TOGARAM1: variants seen among roughly 807,000 people sequenced by gnomAD.
TOGARAM1 encodes the protein TOG array regulator of axonemal microtubules protein 1.
In TOGARAM1, 100 loss-of-function variants were observed where a neutral mutation model predicts 166.6. That is an observed-to-expected ratio of 0.60 (90% confidence interval 0.51 to 0.71). The LOEUF is 0.71. Ranked by LOEUF, TOGARAM1 falls within the 30% of genes least tolerant of loss-of-function variation. TOGARAM1 has a pLI of 0.00. For missense variants in TOGARAM1, 2,029 were observed against 2,102.7 expected (o/e 0.96, Z 0.69); for synonymous variants, 758 against 763.8 (o/e 0.99, Z 0.13).
At chr14:44,967,262 C>T (rs941215568) in intron 1 of TOGARAM1, among the ~76,000 whole-genome samples, 17 of 152,232 alleles carry the variant, frequency 1.1e-4, no homozygotes, top group African/African-American at 4.1e-4. Context: ...TTCTCATCTT[C>T]CTTTATTCCA....
At chr14:45,002,242 G>A (rs1440295338) in intron 3 of TOGARAM1, among the ~76,000 whole-genome samples, 1 of 152,040 alleles carries the variant, frequency 6.6e-6, no homozygotes, top group African/African-American at 2.4e-5. Context: ...TTTGACTCCT[G>A]AGTATCTTTG....
intron 1 of TOGARAM1, among the ~76,000 whole-genome samples, chr14:44,975,320 G>A (rs1030739365): frequency 1.3e-5 from 2 of 152,106 alleles, no homozygotes; most frequent in Non-Finnish European, 1.5e-5. Flanking sequence ...TTCTGTTAGA[G>A]GGAATAGCTA....
At chr14:44,992,610 TC>T (rs1887201916) in intron 1 of TOGARAM1, among the ~76,000 whole-genome samples, 5 of 141,910 alleles carry the variant, frequency 3.5e-5, no homozygotes, top group Non-Finnish European at 7.6e-5. Flanking sequence ...ATTTTTGTAA[TC>T]TTTTTTTTTT....
intron 1 of TOGARAM1, among the ~76,000 whole-genome samples, chr14:44,981,812 A>T (rs1446070435): frequency 6.6e-6 from 1 of 150,780 alleles, no homozygotes. Context: ...TCTTCTATCC[A>T]TCAGTGAAAG....
intron 1 of TOGARAM1, among the ~76,000 whole-genome samples, chr14:44,980,133 A>G (rs117727385): frequency 0.01 from 1,556 of 152,278 alleles, 13 homozygotes; most frequent in Middle Eastern, 0.027. Context: ...TGTGTCCTCC[A>G]TACTCAGTTA....
chr14:44,975,408 TTCCATATTTTC>T (rs1886122890), intron 1 of TOGARAM1, among the ~76,000 whole-genome samples: 1 of 152,100 alleles, frequency 6.6e-6, no homozygotes, highest in African/African-American at 2.4e-5. Context: ...AGGACTTAGG[TTCCATATTTTC>T]TCCATATTCC....
At chr14:45,001,173 A>G (rs140527861) in intron 3 of TOGARAM1, among the ~76,000 whole-genome samples, 19 of 152,312 alleles carry the variant, frequency 1.2e-4, no homozygotes, top group African/African-American at 4.3e-4. Flanking sequence ...GATAAAAGCT[A>G]TTTAACTGGA....
At chr14:45,022,589 A>G (rs1320938996) in intron 7 of TOGARAM1, among the ~76,000 whole-genome samples, 2 of 151,846 alleles carry the variant, frequency 1.3e-5, no homozygotes, top group African/African-American at 4.8e-5. Flanking sequence ...AGCTGCAGGC[A>G]AAAGTATTTT....
intron 8 of TOGARAM1, among the ~76,000 whole-genome samples, chr14:45,027,068 T>G (rs1880893060): frequency 6.6e-6 from 1 of 152,192 alleles, no homozygotes; most frequent in Non-Finnish European, 1.5e-5. Context: ...TTATGTGTGC[T>G]TACCACTTAT....
chr14:44,977,421 A>G (rs1594613646), intron 1 of TOGARAM1, among the ~76,000 whole-genome samples: 1 of 149,558 alleles, frequency 6.7e-6, no homozygotes, highest in Admixed American at 6.7e-5. Flanking sequence ...TATTTTTAGT[A>G]AAGACGGGGT....
At chr14:44,987,436 G>T (rs1170635531) in intron 1 of TOGARAM1, among the ~76,000 whole-genome samples, 2 of 152,098 alleles carry the variant, frequency 1.3e-5, no homozygotes, top group East Asian at 3.8e-4. Flanking sequence ...CCATCAACAA[G>T]TGGGCAAAGG....
At chr14:45,017,617 C>G (rs1295412266) in intron 7 of TOGARAM1, among the ~76,000 whole-genome samples, 1 of 152,206 alleles carries the variant, frequency 6.6e-6, no homozygotes, top group Non-Finnish European at 1.5e-5. Context: ...GGCGTGGTGG[C>G]TCACGCCTGT....
intron 14 of TOGARAM1, 101 bp downstream of exon 14, chr14:45,046,804 A>G: frequency 9.9e-7 from 1 of 1,015,140 alleles, no homozygotes; most frequent in Non-Finnish European, 1.3e-6. Flanking sequence ...CTAAATGGAG[A>G]AGTGGGGTCC....
chr14:45,003,132 T>C (rs1440527914), intron 3 of TOGARAM1, among the ~76,000 whole-genome samples: 3 of 152,186 alleles, frequency 2.0e-5, no homozygotes, highest in Non-Finnish European at 4.4e-5. Flanking sequence ...ATCTCCTATA[T>C]CTCTCTACCT....
chr14:44,972,845 C>T (rs1391352897), intron 1 of TOGARAM1, among the ~76,000 whole-genome samples: 7 of 152,030 alleles, frequency 4.6e-5, no homozygotes, highest in Non-Finnish European at 8.8e-5. Flanking sequence ...CCGTGACTTT[C>T]AGTGAAATGA....
chr14:45,050,314 A>G (rs1336398308), intron 14 of TOGARAM1, among the ~76,000 whole-genome samples: 1 of 152,054 alleles, frequency 6.6e-6, no homozygotes, highest in Non-Finnish European at 1.5e-5. Context: ...GTACAGTGGT[A>G]TAATCTCGGC....
intron 14 of TOGARAM1, among the ~76,000 whole-genome samples, chr14:45,048,779 C>A (rs1023138761): frequency 6.6e-6 from 1 of 151,944 alleles, no homozygotes. Flanking sequence ...GAGTTCAAGA[C>A]CAGCCTAAAC....
chr14:45,060,217 C>CTT lies in TOGARAM1; in HGVS notation c.4559+5683_4559+5684dup, dbSNP rs771278378. 2.5e-3 allele frequency among the ~76,000 whole-genome samples: 294 copies of CTT among 116,668 alleles called. 8 individuals are homozygous for CTT. The highest frequency in any genetic ancestry group is 8.6e-3 in the African/African-American group (265 of 30,760). The allele number at this position is 116,668 out of a possible 152,430, so 76.5% of individuals were successfully genotyped here. A position where few individuals can be genotyped will look rare whatever the true frequency, so the allele number is the denominator to read the frequency against. ...ACAGGCATGAGACACTGCACCCGGC[C>CTT]TTTTTTTTTTTTTTTTGAGATGGAG... On this transcript the variant is annotated intron_variant, in intron 16 of 19. Coordinates refer to ENST00000361462, the MANE Select transcript of TOGARAM1 (RefSeq NM_001308120.2).
chr14:45,065,470 T>C (rs1883097594), intron 16 of TOGARAM1, among the ~76,000 whole-genome samples: 1 of 152,262 alleles, frequency 6.6e-6, no homozygotes, highest in African/African-American at 2.4e-5. Flanking sequence ...TATGAATTTG[T>C]GTTAGGCTGC....
Sources: gnomAD v4.1 joint callset for allele counts (sites outside exome capture counted in the v4.1 genomes callset) on GRCh38, gnomAD v4.1.1 for gene constraint, MANE v1.5 for transcripts, NCBI Gene and HGNC (gene_info 2026-07-23, HGNC 2026-07-21) for gene names.